DGKB: variants seen among roughly 807,000 people sequenced by gnomAD.
DGKB encodes 90 kDa diacylglycerol kinase.
DGKB carries 67 observed loss-of-function variants against 114.3 expected under a neutral mutation model. The observed-to-expected ratio is 0.59, with a 90% confidence interval of 0.48 to 0.72. The LOEUF (loss-of-function observed/expected upper bound fraction) is 0.72. Among genes scored for constraint, DGKB ranks in the 30% least tolerant of loss-of-function variants. The pLI is 0.00. For missense variants in DGKB, 907 were observed against 975.2 expected (o/e 0.93, Z 0.93); for synonymous variants, 398 against 323.1 (o/e 1.23, Z -2.49).
intron 1 of DGKB, among the ~76,000 whole-genome samples, chr7:14,954,107 G>A (rs958843139): frequency 6.6e-6 from 1 of 152,042 alleles, no homozygotes; most frequent in Non-Finnish European, 1.5e-5. Context: ...CTATTCTGAG[G>A]CTTACAGTAG....
intron 17 of DGKB, among the ~76,000 whole-genome samples, chr7:14,595,632 T>TA (rs1229969215): frequency 2.0e-5 from 3 of 151,088 alleles, no homozygotes; most frequent in Non-Finnish European, 4.4e-5. Context: ...TTATCTATAA[T>TA]AAAAAATCAC....
chr7:14,844,019 G>A (rs988245237), intron 1 of DGKB, among the ~76,000 whole-genome samples: 1 of 152,154 alleles, frequency 6.6e-6, no homozygotes, highest in Non-Finnish European at 1.5e-5. Context: ...AGCACAGACT[G>A]CTCCAAGCCC....
chr7:14,260,412 T>A (rs979837266), intron 23 of DGKB, among the ~76,000 whole-genome samples: 7 of 152,352 alleles, frequency 4.6e-5, no homozygotes, highest in Admixed American at 4.6e-4. Flanking sequence ...TTCCAGTTAC[T>A]ATCTTGTGTT....
chr7:14,643,869 C>T (rs1340526132), intron 13 of DGKB, among the ~76,000 whole-genome samples: 7 of 152,174 alleles, frequency 4.6e-5, no homozygotes, highest in South Asian at 4.1e-4. Flanking sequence ...ATTGCTACCA[C>T]TTCAAGCCCA....
intron 23 of DGKB, among the ~76,000 whole-genome samples, chr7:14,287,627 C>A (rs984852252): frequency 6.6e-6 from 1 of 152,036 alleles, no homozygotes; most frequent in Non-Finnish European, 1.5e-5. Flanking sequence ...TGATATTAGA[C>A]CCTCAACAGG....
rs534807835 is a variant in DGKB at position 14,934,263 on chromosome 7, T to C, written c.-188+40433A>G. ...CTAATATCCAAAATTACTTATGTAA[T>C]AAATTGCTCACAGGAGAGAAATATC... is the stretch of plus-strand genomic sequence containing the variant. On this transcript the variant is annotated intron_variant, in intron 1 of 4. Coordinates refer to the DGKB transcript ENST00000437998. Among the ~76,000 whole-genome samples the C allele has an allele frequency of 2.1e-3, 322 of 152,280 alleles. 2 individuals carry two copies. The highest frequency in any genetic ancestry group is 7.2e-3 in the African/African-American group (301 of 41,572).
At chr7:14,178,279 T>A in intron 23 of DGKB, 128 bp from the exon 24 acceptor site, 1 of 986,136 alleles carries the variant, frequency 1.0e-6, no homozygotes, top group Non-Finnish European at 1.5e-6. Flanking sequence ...CTTAGAAACT[T>A]AAAGTAATAA....
intron 13 of DGKB, 47 bp from the exon 14 acceptor site, chr7:14,630,315 TCAAAA>T (rs2128843341): frequency 6.9e-7 from 1 of 1,444,154 alleles, no homozygotes. Context: ...AGAGTCAAAC[TCAAAA>T]CAAATCAGTG....
chr7:14,471,734 A>AT (rs920343658), intron 21 of DGKB, among the ~76,000 whole-genome samples: 1 of 152,032 alleles, frequency 6.6e-6, no homozygotes, highest in African/African-American at 2.4e-5. Flanking sequence ...TCTTTATTGC[A>AT]TTTTTTGCAC....
intron 21 of DGKB, among the ~76,000 whole-genome samples, chr7:14,355,475 T>A (rs1053736091): frequency 1.3e-5 from 2 of 152,000 alleles, no homozygotes; most frequent in African/African-American, 4.8e-5. Flanking sequence ...TTATTGAGAG[T>A]TTTTAGCATG....
chr7:14,537,342 A>G (rs1792671794), intron 20 of DGKB, among the ~76,000 whole-genome samples: 1 of 152,170 alleles, frequency 6.6e-6, no homozygotes, highest in African/African-American at 2.4e-5. Context: ...CAGAACCACA[A>G]AAGACCACAA....
intron 1 of DGKB, among the ~76,000 whole-genome samples, chr7:14,908,666 T>C (rs1302645338): frequency 2.0e-5 from 3 of 152,184 alleles, no homozygotes; most frequent in African/African-American, 4.8e-5. Flanking sequence ...TCATATCTTA[T>C]ATGTGACTTA....
chr7:14,917,174 T>C (rs1294832223), intron 1 of DGKB, among the ~76,000 whole-genome samples: 3 of 151,916 alleles, frequency 2.0e-5, no homozygotes, highest in Admixed American at 6.6e-5. Context: ...TGATATATTA[T>C]AAAAGAAGAG....
At chr7:14,945,040 C>T (rs1785793885) in intron 1 of DGKB, among the ~76,000 whole-genome samples, 1 of 151,606 alleles carries the variant, frequency 6.6e-6, no homozygotes, top group South Asian at 2.1e-4. Flanking sequence ...AGGACATATA[C>T]ATGTGTTTAT....
chr7:14,315,740 C>A (rs1036857474), intron 23 of DGKB, among the ~76,000 whole-genome samples: 2 of 151,056 alleles, frequency 1.3e-5, no homozygotes, highest in African/African-American at 4.9e-5. Flanking sequence ...AGAAAGTCAA[C>A]AAGGATACCC....
chr7:14,621,337 A>G (rs1367711174), intron 15 of DGKB, 41 bp downstream of exon 15: 1 of 1,269,226 alleles, frequency 7.9e-7, no homozygotes. Context: ...TAGAAGTATC[A>G]AATATGAAAC....
intron 21 of DGKB, among the ~76,000 whole-genome samples, chr7:14,421,538 G>A (rs1278196322): frequency 5.3e-5 from 8 of 151,952 alleles, no homozygotes; most frequent in Non-Finnish European, 1.0e-4. Context: ...TTATTCAAAT[G>A]TCTTTTGCCC....
At chr7:14,601,340 G>T (rs1356474482) in intron 17 of DGKB, among the ~76,000 whole-genome samples, 1 of 152,010 alleles carries the variant, frequency 6.6e-6, no homozygotes, top group African/African-American at 2.4e-5. Context: ...GACACTGTGG[G>T]CCTGTGATGG....
chr7:14,571,023 T>C (rs902486326), intron 20 of DGKB, among the ~76,000 whole-genome samples: 2 of 152,130 alleles, frequency 1.3e-5, no homozygotes, highest in African/African-American at 4.8e-5. Flanking sequence ...ATTCCTAACT[T>C]TACCTACTAG....
Sources: allele counts gnomAD v4.1 joint callset (sites outside exome capture counted in the v4.1 genomes callset), GRCh38; gene constraint gnomAD v4.1.1; transcripts MANE v1.5; gene names NCBI Gene and HGNC (gene_info 2026-07-23, HGNC 2026-07-21).